The following PAM variants were observed in gnomAD, a reference collection of about 807,000 sequenced individuals.
PAM encodes peptidyl-glycine alpha-amidating monooxygenase.
In PAM, 72 loss-of-function variants were observed where a neutral mutation model predicts 122.1. The observed-to-expected ratio is 0.59, with a 90% CI of 0.49 to 0.72. PAM has a LOEUF of 0.72. PAM is among the 30% of genes least tolerant of loss of function. The pLI is 0.00. For synonymous variants in PAM, 389 were observed against 404.4 expected, an observed-to-expected ratio of 0.96 and a Z score of 0.46; for missense variants, 1,106 against 1,183.7, an observed-to-expected ratio of 0.93 and a Z score of 0.96.
In PAM at chr5:102,906,141, TA is replaced by T. The variant is rs201227502; in HGVS notation, c.268+4730del. ...CAACATCTCCTCAGCTTTTCTCAAG[TA>T]ATAAAAAACAGTGAGAGATGAATAG... On this transcript the variant is annotated intron_variant, in intron 4 of 25. Transcript: ENST00000438793. Among the ~76,000 whole-genome samples, 24 of 151,782 alleles carry T rather than the reference TA, an allele frequency of 1.6e-4. 1 individual carries two copies. The East Asian group carries it at 4.7e-3, about 30-fold the overall frequency.
At chr5:102,907,198 C>G (rs923107444) in intron 4 of PAM, among the ~76,000 whole-genome samples, 3 of 151,752 alleles carry the variant, frequency 2.0e-5, no homozygotes, top group Non-Finnish European at 4.4e-5. Flanking sequence ...TCCATACTAG[C>G]AGGAATTAAT....
rs753894428 is a variant in PAM at position 103,002,986 on chromosome 5, T to C, written c.1614-47T>C. On this transcript the variant is annotated intron_variant, in intron 16 of 25. Coordinates refer to ENST00000438793, the MANE Select transcript of PAM (RefSeq NM_001177306.2). ...GAATGGTCTGCATTTCTCAATTTCA[T>C]TGGAATTTATGATTGTTTCATGTCC... 38 of 871,290 alleles carry C rather than the reference T, an allele frequency of 4.4e-5. No homozygotes were observed. In the East Asian group the frequency reaches 7.3e-4, roughly 17 times the overall value. 54.0% of individuals were successfully genotyped at this position (871,290 alleles called of 1,614,324 possible).
intron 4 of PAM, among the ~76,000 whole-genome samples, chr5:102,905,764 G>T (rs974863441): frequency 6.6e-6 from 1 of 151,618 alleles, no homozygotes; most frequent in African/African-American, 2.4e-5. Flanking sequence ...TTACCTTTCT[G>T]CTTCCAATGA....
At chr5:103,015,849 GATTT>G (rs1224296181) in intron 21 of PAM, among the ~76,000 whole-genome samples, 1 of 152,092 alleles carries the variant, frequency 6.6e-6, no homozygotes, top group Non-Finnish European at 1.5e-5. Flanking sequence ...GACATATTGT[GATTT>G]ATTTAAAGCA....
At chr5:102,939,319 ACT>A (rs1387908005) in intron 7 of PAM, among the ~76,000 whole-genome samples, 7 of 151,486 alleles carry the variant, frequency 4.6e-5, no homozygotes, top group Non-Finnish European at 4.4e-5. Context: ...AACTTTCAAA[ACT>A]CTTTCTTCTC....
intron 24 of PAM, among the ~76,000 whole-genome samples, chr5:103,027,258 C>T (rs1381995673): frequency 6.6e-6 from 1 of 152,212 alleles, no homozygotes; most frequent in Non-Finnish European, 1.5e-5. Context: ...GCAGAACTTA[C>T]AATCTAATTT....
At chr5:102,887,167 G>A (rs765707044) in intron 3 of PAM, among the ~76,000 whole-genome samples, 35 of 152,026 alleles carry the variant, frequency 2.3e-4, no homozygotes, top group Non-Finnish European at 4.3e-4. Context: ...GCACTGTTGG[G>A]AGATGGGGAT....
At chr5:102,956,613 C>T (rs1302690532) in intron 12 of PAM, among the ~76,000 whole-genome samples, 1 of 151,988 alleles carries the variant, frequency 6.6e-6, no homozygotes, top group African/African-American at 2.4e-5. Context: ...GTAATTGCTG[C>T]CTTTGTCTCC....
chr5:102,787,165 A>C (rs1760755754), intron 1 of PAM, among the ~76,000 whole-genome samples: 1 of 152,240 alleles, frequency 6.6e-6, no homozygotes, highest in East Asian at 1.9e-4. Context: ...TCCTCCTCAA[A>C]ATAGTTTTAC....
chr5:102,779,918 T>TATACACACAC (rs147065045), intron 1 of PAM, among the ~76,000 whole-genome samples: 3,005 of 95,040 alleles, frequency 0.032, 78 homozygotes, highest in Non-Finnish European at 0.041. Context: ...TATATATATA[T>TATACACACAC]ACACACATAT....
At chr5:102,780,771 CTTT>C (rs1758607978) in intron 1 of PAM, among the ~76,000 whole-genome samples, 1 of 112,854 alleles carries the variant, frequency 8.9e-6, no homozygotes, top group Non-Finnish European at 1.9e-5. Flanking sequence ...TTCTTTCTTT[CTTT>C]CTTTCTTTCT....
intron 1 of PAM, chr5:102,838,396 T>C (rs1205760782): frequency 6.6e-6 from 1 of 152,144 alleles, no homozygotes; most frequent in Non-Finnish European, 1.5e-5. Flanking sequence ...TATATTGTTC[T>C]TGTAAAACAT....
intron 7 of PAM, among the ~76,000 whole-genome samples, chr5:102,930,827 A>G (rs1053235793): frequency 3.9e-5 from 6 of 152,238 alleles, no homozygotes; most frequent in African/African-American, 9.6e-5. Flanking sequence ...TAAAAAATGT[A>G]TAGACTTTTA....
At chr5:102,903,381 A>G (rs1381624164) in intron 4 of PAM, among the ~76,000 whole-genome samples, 1 of 151,594 alleles carries the variant, frequency 6.6e-6, no homozygotes, top group Non-Finnish European at 1.5e-5. Context: ...ATGGAAAACT[A>G]GAGACAATTA....
At chr5:102,969,481 TG>T (rs1271737041) in intron 14 of PAM, among the ~76,000 whole-genome samples, 6 of 152,044 alleles carry the variant, frequency 3.9e-5, no homozygotes, top group Middle Eastern at 3.2e-3. Context: ...GGGTCCTTTC[TG>T]AGGAAGGAGA....
intron 16 of PAM, among the ~76,000 whole-genome samples, chr5:102,997,237 T>C (rs1046484079): frequency 1.9e-4 from 29 of 152,208 alleles, no homozygotes; most frequent in African/African-American, 7.0e-4. Context: ...AAGACAATTT[T>C]TTTTAAGGAT....
intron 1 of PAM, among the ~76,000 whole-genome samples, chr5:102,782,719 C>CTGTGTGTG (rs1309390837): frequency 6.8e-6 from 1 of 146,038 alleles, no homozygotes; most frequent in African/African-American, 2.7e-5. Flanking sequence ...CTCTCTCTCT[C>CTGTGTGTG]TCTCTCTGTG....
chr5:102,936,283 A>G (rs1241152784), intron 7 of PAM, among the ~76,000 whole-genome samples: 1 of 152,110 alleles, frequency 6.6e-6, no homozygotes, highest in African/African-American at 2.4e-5. Context: ...GTGCAAGTCA[A>G]AGTTCTGTCT....
chr5:102,964,015 G>A (rs940706064), intron 14 of PAM, among the ~76,000 whole-genome samples: 7 of 151,040 alleles, frequency 4.6e-5, no homozygotes, highest in African/African-American at 1.7e-4. Flanking sequence ...AAGAAGGAGG[G>A]GAGAGATAGA....
Sources: gnomAD v4.1 joint callset for allele counts (sites outside exome capture counted in the v4.1 genomes callset) on GRCh38, gnomAD v4.1.1 for gene constraint, MANE v1.5 for transcripts, NCBI Gene and HGNC (gene_info 2026-07-23, HGNC 2026-07-21) for gene names.